ANKRD30B: variants seen among roughly 807,000 people sequenced by gnomAD.
ANKRD30B encodes ankyrin repeat domain-containing protein 30B.
ANKRD30B carries 144 observed loss-of-function variants against 202.2 expected under a neutral mutation model. The observed-to-expected ratio is 0.71, with a 90% CI of 0.62 to 0.82. ANKRD30B has a LOEUF of 0.82. Ranked by LOEUF, ANKRD30B falls within the 40% of genes least tolerant of loss-of-function variation. ANKRD30B has a pLI of 0.00. For synonymous variants in ANKRD30B, 508 were observed against 561.3 expected, an observed-to-expected ratio of 0.91 and a Z score of 1.34; for missense variants, 1,487 against 1,669.1, an observed-to-expected ratio of 0.89 and a Z score of 1.90.
At chr18:14,894,952 GA>G in the ANKRD30B span, among the ~76,000 whole-genome samples, 1 of 151,450 alleles carries the variant, frequency 6.6e-6, no homozygotes, top group Non-Finnish European at 1.5e-5. Flanking sequence ...ATAAGCAGAT[GA>G]AAAGATGCTC....
the ANKRD30B span, among the ~76,000 whole-genome samples, chr18:14,919,283 T>C: frequency 6.6e-6 from 1 of 152,220 alleles, no homozygotes; most frequent in Non-Finnish European, 1.5e-5. Context: ...CTCTATTTCC[T>C]TCACCCGCAT....
chr18:14,835,174 G>T (rs1255587778), intron 34 of ANKRD30B, among the ~76,000 whole-genome samples: 2 of 151,652 alleles, frequency 1.3e-5, no homozygotes, highest in African/African-American at 4.8e-5. Flanking sequence ...TCTTAAAAGA[G>T]AAGAATCACT....
the ANKRD30B span, among the ~76,000 whole-genome samples, chr18:14,899,655 T>G: frequency 1.3e-5 from 2 of 152,290 alleles, no homozygotes; most frequent in Non-Finnish European, 2.9e-5. Context: ...TAACAAGTAT[T>G]TATTGAGTGT....
chr18:14,899,033 A>G, the ANKRD30B span, among the ~76,000 whole-genome samples: 1 of 152,140 alleles, frequency 6.6e-6, no homozygotes, highest in Non-Finnish European at 1.5e-5. Context: ...TAGACCATAA[A>G]CGTATTTTAC....
Position 14,749,325 on chromosome 18 carries a change from T to C in ANKRD30B, c.221+685T>C, listed in dbSNP as rs768495086. The stretch of plus-strand genomic sequence containing the variant: ...TGTTGTGATGACATTTTAAATATTT[T>C]GTAATGGAGTAGAAAAGTCTTGCCC... On this transcript the variant is annotated intron_variant, in intron 1 of 43. Coordinates refer to ENST00000690538, the MANE Select transcript of ANKRD30B (RefSeq NM_001367607.2). 3.3e-5 allele frequency among the ~76,000 whole-genome samples: 5 copies of C among 152,326 alleles called. No individual in the cohort carries two copies. The South Asian group carries it at 6.2e-4, about 19-fold the overall frequency.
At chr18:14,790,366 T>G (rs1477606858) in intron 15 of ANKRD30B, among the ~76,000 whole-genome samples, 1 of 152,194 alleles carries the variant, frequency 6.6e-6, no homozygotes, top group African/African-American at 2.4e-5. Context: ...CTTTTCCTAA[T>G]TGAATACCCT....
chr18:14,851,696 T>G lies in ANKRD30B; in HGVS notation c.3752T>G (p.Leu1251Arg). 3.7e-6 allele frequency: 6 copies of G among 1,610,516 alleles called. No individual in the cohort carries two copies. Among genetic ancestry groups the G allele is most frequent in the Non-Finnish European group, 5.1e-6 (6 of 1,178,632 alleles). The change falls in exon 42 of 44, where the codon CTG (leucine) becomes CGG (arginine). Residue 1251 changes from leucine (L) to arginine (R), a missense_variant. Physicochemically the swap from Leu to Arg is moderately radical, Grantham distance 102. Around this residue, in one of 6 missense-constraint regions of ANKRD30B, gnomAD observed 177 missense variants for 216.4 expected, o/e 0.82. Transcript: ENST00000690538. ...GCTGAACTTCAAATGACCCTAAAAC[T>G]GAAACAGAAAACAGTAACAAAAAGG... Reference protein sequence around the residue: ...KNAELQMTLKLKQKTVTKRAS... With the variant: ...KNAELQMTLKRKQKTVTKRAS...
chr18:14,916,718 C>T, the ANKRD30B span, among the ~76,000 whole-genome samples: 148,117 of 152,330 alleles, frequency 0.97, 72,160 homozygotes, highest in East Asian at 1. Flanking sequence ...GTTATGCAAA[C>T]GCAGTTGATC....
At chr18:14,848,390 T>C (rs1411409804) in intron 39 of ANKRD30B, among the ~76,000 whole-genome samples, 1 of 152,140 alleles carries the variant, frequency 6.6e-6, no homozygotes, top group Non-Finnish European at 1.5e-5. Context: ...TCAATCTTTG[T>C]TCCTCAGTGT....
At chr18:14,921,225 A>G in the ANKRD30B span, among the ~76,000 whole-genome samples, 1 of 151,912 alleles carries the variant, frequency 6.6e-6, no homozygotes, top group Non-Finnish European at 1.5e-5. Context: ...GCATGTGTTT[A>G]GATACAACTG....
chr18:14,884,816 G>C, the ANKRD30B span, among the ~76,000 whole-genome samples: 1 of 152,124 alleles, frequency 6.6e-6, no homozygotes, highest in Non-Finnish European at 1.5e-5. Context: ...TCAAGAGAAA[G>C]TAAATTTTCT....
At chr18:14,798,310 G>A (rs1410473168) in intron 20 of ANKRD30B, among the ~76,000 whole-genome samples, 1 of 151,972 alleles carries the variant, frequency 6.6e-6, no homozygotes, top group Non-Finnish European at 1.5e-5. Context: ...ATGGTCACAT[G>A]GGGATGAAGT....
the ANKRD30B span, among the ~76,000 whole-genome samples, chr18:14,927,195 T>A: frequency 6.6e-6 from 1 of 152,180 alleles, no homozygotes; most frequent in South Asian, 2.1e-4. Context: ...AGGCACAAAT[T>A]ACCTTTGTAC....
the ANKRD30B span, among the ~76,000 whole-genome samples, chr18:14,875,320 A>G: frequency 2.0e-5 from 3 of 152,186 alleles, no homozygotes; most frequent in African/African-American, 4.8e-5. Flanking sequence ...TGAGGTTGCC[A>G]GGCAGCTGCC....
At chr18:14,766,493 A>AGAAGAAAAGAAAAGAAAAG (rs1555646769) in intron 7 of ANKRD30B, among the ~76,000 whole-genome samples, 1 of 85,002 alleles carries the variant, frequency 1.2e-5, no homozygotes, top group Admixed American at 1.4e-4. Context: ...AAAAAAAAAA[A>AGAAGAAAAGAAAAGAAAAG]AAAAGAAAAG....
At chr18:14,844,457 A>G (rs1971548444) in intron 39 of ANKRD30B, among the ~76,000 whole-genome samples, 1 of 152,176 alleles carries the variant, frequency 6.6e-6, no homozygotes, top group African/African-American at 2.4e-5. Context: ...TACATATATG[A>G]CACATTTTCT....
At chr18:14,817,260 T>G (rs987758701) in intron 30 of ANKRD30B, among the ~76,000 whole-genome samples, 7 of 152,228 alleles carry the variant, frequency 4.6e-5, no homozygotes, top group Non-Finnish European at 8.8e-5. Context: ...ATGCAAGGAT[T>G]CACAGCCATA....
At chr18:14,881,788 A>G in the ANKRD30B span, among the ~76,000 whole-genome samples, 11 of 150,576 alleles carry the variant, frequency 7.3e-5, no homozygotes, top group Admixed American at 2.0e-4. Flanking sequence ...TGCTTGATTT[A>G]TTGGTCTGCT....
chr18:14,890,168 A>C, the ANKRD30B span: 2 of 673,528 alleles, frequency 3.0e-6, no homozygotes, highest in Non-Finnish European at 5.2e-6. Context: ...ATTTGTTCTT[A>C]TTTCTGTTTT....
Sources: gnomAD v4.1 joint callset for allele counts (sites outside exome capture counted in the v4.1 genomes callset) on GRCh38, gnomAD v4.1.1 for gene constraint, gnomAD v4.1.1 regional missense constraint, MANE v1.5 for transcripts, NCBI Gene and HGNC (gene_info 2026-07-23, HGNC 2026-07-21) for gene names.